AMPH: variants seen among roughly 807,000 people sequenced by gnomAD.
AMPH encodes the protein amphiphysin (Stiff-Mann syndrome with breast cancer 128kD autoantigen).
Under a neutral mutation model 99.1 loss-of-function variants are expected in AMPH, and 49 were observed. The observed-to-expected ratio is 0.49, with a 90% CI of 0.39 to 0.63. The LOEUF (loss-of-function observed/expected upper bound fraction) is 0.63, where lower values mean the gene tolerates loss of function less well. AMPH is among the 20% of genes least tolerant of loss of function. AMPH has a pLI of 0.00. For missense variants in AMPH, 759 were observed against 863.4 expected, an observed-to-expected ratio of 0.88 and a Z score of 1.52; for synonymous variants, 314 against 317.3, an observed-to-expected ratio of 0.99 and a Z score of 0.11.
intron 2 of AMPH, among the ~76,000 whole-genome samples, chr7:38,505,259 A>T (rs1348255959): frequency 1.3e-5 from 2 of 152,254 alleles, no homozygotes; most frequent in African/African-American, 4.8e-5. Flanking sequence ...GATATTTTCC[A>T]TATAACACTT....
In AMPH at chr7:38,463,006, G is replaced by A; in HGVS notation, c.857C>T (p.Pro286Leu). The A allele has an allele frequency of 6.3e-7, 1 of 1,599,452 alleles. No individual in the cohort carries two copies. Among genetic ancestry groups the A allele is most frequent in the Non-Finnish European group, 8.5e-7 (1 of 1,173,056 alleles). ...AGGTGACCGAGGCCGTGCTGGTGCG[G>A]GAGACGCAGGTGCTAATGTATGATT... is the stretch of plus-strand genomic sequence containing the variant. ...SPNHTLAPASPAPARPRSPSQ... is the reference protein window; with the variant it reads ...SPNHTLAPASLAPARPRSPSQ... Residue 286 changes from proline to leucine, a missense_variant, in exon 10 of 21, where the codon CCC becomes CTC. Transcript: ENST00000356264.
chr7:38,574,781 C>A (rs112115667), intron 1 of AMPH, among the ~76,000 whole-genome samples: 1 of 151,932 alleles, frequency 6.6e-6, no homozygotes, highest in African/African-American at 2.4e-5. Context: ...TAAGGCCAGG[C>A]GCCGTGGCTC....
intron 14 of AMPH, chr7:38,428,142 C>T (rs1285730711): frequency 2.2e-6 from 1 of 456,708 alleles, no homozygotes; most frequent in Admixed American, 2.3e-5. Context: ...TCTGATAGGC[C>T]AGTGGTTAAT....
chr7:38,498,914 CCCT>C (rs574757418), intron 3 of AMPH, among the ~76,000 whole-genome samples: 13 of 152,234 alleles, frequency 8.5e-5, no homozygotes, highest in Non-Finnish European at 1.6e-4. Flanking sequence ...TCTGTTTGTT[CCCT>C]CAAGAACCCG....
intron 12 of AMPH, among the ~76,000 whole-genome samples, chr7:38,435,672 G>T (rs1177913788): frequency 1.3e-5 from 2 of 152,126 alleles, no homozygotes; most frequent in African/African-American, 4.8e-5. Context: ...CTATAAGAAA[G>T]GAAGAAATAT....
At chr7:38,587,925 TGTGTGTGTGTGTGTGTGTGTGTGTGCGC>T (rs1446782351) in intron 1 of AMPH, among the ~76,000 whole-genome samples, 1 of 148,070 alleles carries the variant, frequency 6.8e-6, no homozygotes, top group East Asian at 2.0e-4. Flanking sequence ...TGTGTGTGTG[TGTGTGTGTGTGTGTGTGTGTGTGTGCGC>T]GTGTGTGTGT....
intron 19 of AMPH, 146 bp downstream of exon 19, chr7:38,391,602 T>C (rs1051024347): frequency 1.3e-6 from 1 of 791,446 alleles, no homozygotes; most frequent in African/African-American, 1.7e-5. Flanking sequence ...AGTCCTGGCT[T>C]GTCCAAGTGA....
At chr7:38,489,012 A>T (rs1250003378) in intron 5 of AMPH, among the ~76,000 whole-genome samples, 1 of 152,142 alleles carries the variant, frequency 6.6e-6, no homozygotes, top group Non-Finnish European at 1.5e-5. Context: ...TTCACATGGA[A>T]GCACAAAAGA....
chr7:38,573,583 C>T (rs1396283295), intron 1 of AMPH, among the ~76,000 whole-genome samples: 1 of 152,168 alleles, frequency 6.6e-6, no homozygotes, highest in African/African-American at 2.4e-5. Flanking sequence ...AAAATTTATA[C>T]TTTGCTTTCT....
chr7:38,513,566 C>G (rs1789622843), intron 2 of AMPH, among the ~76,000 whole-genome samples: 1 of 152,162 alleles, frequency 6.6e-6, no homozygotes, highest in African/African-American at 2.4e-5. Context: ...GATTCTGTAT[C>G]TTTTCCCTAC....
intron 1 of AMPH, among the ~76,000 whole-genome samples, chr7:38,624,732 G>C (rs1794186604): frequency 1.3e-5 from 2 of 151,964 alleles, no homozygotes; most frequent in African/African-American, 4.8e-5. Flanking sequence ...TAAATAAAAA[G>C]GCATTTCGTT....
At chr7:38,437,325 A>G (rs1023717712) in intron 11 of AMPH, among the ~76,000 whole-genome samples, 1 of 152,158 alleles carries the variant, frequency 6.6e-6, no homozygotes, top group Non-Finnish European at 1.5e-5. Context: ...TGTGTTTAGC[A>G]TTCAATATAA....
chr7:38,490,104 A>G (rs1788665820), intron 5 of AMPH, among the ~76,000 whole-genome samples: 1 of 152,192 alleles, frequency 6.6e-6, no homozygotes. Context: ...GACTAATCAA[A>G]ATTATCTGAA....
At chr7:38,617,866 T>C (rs1024629801) in intron 1 of AMPH, among the ~76,000 whole-genome samples, 1 of 152,162 alleles carries the variant, frequency 6.6e-6, no homozygotes, top group Non-Finnish European at 1.5e-5. Flanking sequence ...AAACTGGAAT[T>C]GTAAAACTAC....
At chr7:38,610,622 T>C (rs1246108814) in intron 1 of AMPH, among the ~76,000 whole-genome samples, 1 of 152,064 alleles carries the variant, frequency 6.6e-6, no homozygotes, top group Non-Finnish European at 1.5e-5. Flanking sequence ...CTTTCAGTTA[T>C]CCTTTAAGTT....
chr7:38,432,281 A>C, intron 12 of AMPH, 69 bp from the exon 13 acceptor site: 4 of 1,410,188 alleles, frequency 2.8e-6, no homozygotes, highest in Non-Finnish European at 4.0e-6. Context: ...CTGAGGTGAC[A>C]AAAGTTCTTG....
chr7:38,479,058 T>C (rs1434050955), intron 5 of AMPH, among the ~76,000 whole-genome samples: 1 of 152,018 alleles, frequency 6.6e-6, no homozygotes, highest in African/African-American at 2.4e-5. Context: ...TTTCAAGAGA[T>C]AATGGCTGAA....
At chr7:38,585,127 G>A (rs546989563) in intron 1 of AMPH, among the ~76,000 whole-genome samples, 8 of 152,022 alleles carry the variant, frequency 5.3e-5, no homozygotes, top group African/African-American at 1.2e-4. Context: ...GTTTATTTAC[G>A]GGGTGCCAGT....
intron 1 of AMPH, among the ~76,000 whole-genome samples, chr7:38,598,039 T>C (rs1482285936): frequency 6.6e-6 from 1 of 152,224 alleles, no homozygotes; most frequent in East Asian, 1.9e-4. Context: ...GGTCATTTTT[T>C]CTTCAAATGA....
Sources: gnomAD v4.1 joint callset for allele counts (sites outside exome capture counted in the v4.1 genomes callset) on GRCh38, gnomAD v4.1.1 for gene constraint, MANE v1.5 for transcripts, NCBI Gene and HGNC (gene_info 2026-07-23, HGNC 2026-07-21) for gene names.